The following IMMP2L variants were observed in gnomAD, a reference collection of about 807,000 sequenced individuals.
IMMP2L encodes mitochondrial inner membrane protease subunit 2.
Under a neutral mutation model 19.3 loss-of-function variants are expected in IMMP2L, and 18 were observed. The observed-to-expected ratio is 0.93, with a 90% CI of 0.64 to 1.38. The LOEUF (loss-of-function observed/expected upper bound fraction) is 1.38. Among genes scored for constraint, IMMP2L ranks in the 40% most tolerant of loss-of-function variants. IMMP2L has a pLI of 0.00. For synonymous variants in IMMP2L, 76 were observed against 73.0 expected (o/e 1.04, Z -0.21); for missense variants, 233 against 218.2 (o/e 1.07, Z -0.43).
At chr7:111,239,620 T>C (rs1814759763) in intron 3 of IMMP2L, among the ~76,000 whole-genome samples, 1 of 151,950 alleles carries the variant, frequency 6.6e-6, no homozygotes. Flanking sequence ...AGACCAATTC[T>C]TTGTAATCTC....
chr7:111,111,951 T>G lies in IMMP2L; in HGVS notation c.240-148386A>C, dbSNP rs1241708454. On this transcript the variant is annotated intron_variant, in intron 3 of 5. Coordinates refer to ENST00000405709, the MANE Select transcript of IMMP2L (RefSeq NM_032549.4). The stretch of plus-strand genomic sequence containing the variant: ...TATATATATATAGTTTGTTTTTTTT[T>G]TTTTTTTTTTTTTTGAGATGGAGTC... 6.8e-5 allele frequency among the ~76,000 whole-genome samples: 9 copies of G among 133,224 alleles called. No homozygotes were observed. In the South Asian group the frequency reaches 1.3e-3, roughly 20 times the overall value. 87.4% of individuals were successfully genotyped at this position (133,224 alleles called of 152,430 possible). A position where few individuals can be genotyped will look rare whatever the true frequency, so the allele number is the denominator to read the frequency against.
At chr7:111,422,964 T>C (rs1835723991) in intron 3 of IMMP2L, among the ~76,000 whole-genome samples, 1 of 151,882 alleles carries the variant, frequency 6.6e-6, no homozygotes, top group African/African-American at 2.4e-5. Flanking sequence ...TTTCTGCATC[T>C]ATTGAGATAA....
chr7:110,963,971 T>C (rs993792326), intron 3 of IMMP2L, among the ~76,000 whole-genome samples: 4 of 130,388 alleles, frequency 3.1e-5, no homozygotes, highest in African/African-American at 5.8e-5. Context: ...GGGAGGTGAC[T>C]GGATTATGGG....
chr7:110,990,700 A>G (rs1485587830), intron 3 of IMMP2L, among the ~76,000 whole-genome samples: 1 of 152,124 alleles, frequency 6.6e-6, no homozygotes, highest in East Asian at 1.9e-4. Context: ...CAGGCTCCCT[A>G]ATGCCAGTGC....
At chr7:111,148,296 T>C (rs1242430749) in intron 3 of IMMP2L, among the ~76,000 whole-genome samples, 1 of 152,094 alleles carries the variant, frequency 6.6e-6, no homozygotes, top group Non-Finnish European at 1.5e-5. Context: ...CATGAAATAG[T>C]GAAAACAGGC....
chr7:111,056,235 C>G (rs1031368403), intron 3 of IMMP2L, among the ~76,000 whole-genome samples: 2 of 152,118 alleles, frequency 1.3e-5, no homozygotes, highest in Non-Finnish European at 2.9e-5. Flanking sequence ...TCATTTATAA[C>G]ATAATCAGTT....
chr7:111,430,762 T>C lies in IMMP2L; in HGVS notation c.239+56476A>G, dbSNP rs559362633. On this transcript the variant is annotated intron_variant, in intron 3 of 5. Coordinates refer to ENST00000405709, the MANE Select transcript of IMMP2L (RefSeq NM_032549.4). The stretch of plus-strand genomic sequence containing the variant: ...AACCTATACCAGTTCATGAATATTT[T>C]TATTGTTTTCTCTTTTACCCAGGGA... 8.0e-4 allele frequency among the ~76,000 whole-genome samples: 122 copies of C among 151,778 alleles called. 4 individuals carry two copies. The highest frequency in any genetic ancestry group is 2.7e-3 in the African/African-American group (110 of 41,106).
At chr7:110,980,997 A>G (rs766658076) in intron 3 of IMMP2L, among the ~76,000 whole-genome samples, 2 of 152,198 alleles carry the variant, frequency 1.3e-5, no homozygotes, top group African/African-American at 2.4e-5. Flanking sequence ...ATTGTTTTTA[A>G]GCAATAAAAT....
chr7:110,788,836 G>A (rs1305374002), intron 5 of IMMP2L, among the ~76,000 whole-genome samples: 1 of 151,736 alleles, frequency 6.6e-6, no homozygotes, highest in Admixed American at 6.6e-5. Flanking sequence ...CCATCAAATG[G>A]TAGTACATCT....
intron 5 of IMMP2L, among the ~76,000 whole-genome samples, chr7:110,730,940 T>C (rs1451629190): frequency 2.0e-5 from 3 of 152,194 alleles, no homozygotes; most frequent in Admixed American, 6.5e-5. Flanking sequence ...TGTATCCTAT[T>C]AGTTCTGTCC....
At chr7:111,443,733 G>C (rs1298751939) in intron 3 of IMMP2L, among the ~76,000 whole-genome samples, 9 of 152,096 alleles carry the variant, frequency 5.9e-5, no homozygotes, top group Non-Finnish European at 1.3e-4. Context: ...AATATGTTCA[G>C]CTACCACTCA....
intron 3 of IMMP2L, among the ~76,000 whole-genome samples, chr7:111,185,390 T>C (rs1808156020): frequency 6.6e-6 from 1 of 152,140 alleles, no homozygotes; most frequent in Non-Finnish European, 1.5e-5. Flanking sequence ...CTTCTTACTA[T>C]GTCTGAATAT....
At position 110,886,656 on chromosome 7, in the gene IMMP2L, A is replaced by G. The variant is rs1481656878; in HGVS notation, c.345T>C (p.Arg115=). ...GATCACCTTCAACCCAGATGTGACC[A>G]CGGGGGACTTTGACATACCGGTTTT... is the stretch of plus-strand genomic sequence containing the variant. The part of the protein sequence containing the change: ...GHKNRYVKVP[R]GHIWVEGDHH... The change falls in exon 5 of 6, where the codon CGT becomes CGC. Residue 115 remains arginine (R), a synonymous_variant. Transcript: ENST00000405709. 1.2e-6 allele frequency: 2 copies of G among 1,609,308 alleles called. No individual in the cohort carries two copies. The highest frequency in any genetic ancestry group is 8.5e-7 in the Non-Finnish European group (1 of 1,175,802).
intron 5 of IMMP2L, among the ~76,000 whole-genome samples, chr7:110,851,288 G>C (rs957995342): frequency 6.6e-6 from 1 of 152,056 alleles, no homozygotes; most frequent in Admixed American, 6.6e-5. Flanking sequence ...CAAAAACTCA[G>C]GATATACAAA....
chr7:110,732,665 TC>T (rs1490258049), intron 5 of IMMP2L, among the ~76,000 whole-genome samples: 1 of 152,204 alleles, frequency 6.6e-6, no homozygotes, highest in African/African-American at 2.4e-5. Flanking sequence ...GAAAATGTCT[TC>T]AATTTTTCTG....
At chr7:110,867,397 A>G (rs1426895430) in intron 5 of IMMP2L, among the ~76,000 whole-genome samples, 1 of 152,004 alleles carries the variant, frequency 6.6e-6, no homozygotes, top group Non-Finnish European at 1.5e-5. Context: ...GCTTCAACAT[A>G]TGGATTTCAG....
At chr7:111,489,462 C>T (rs910695272) in intron 2 of IMMP2L, among the ~76,000 whole-genome samples, 5 of 152,120 alleles carry the variant, frequency 3.3e-5, no homozygotes, top group Admixed American at 1.3e-4. Flanking sequence ...GCTTCCTCTC[C>T]GCCTTCACTG....
At chr7:111,405,328 G>T (rs574723663) in intron 3 of IMMP2L, among the ~76,000 whole-genome samples, 1 of 151,934 alleles carries the variant, frequency 6.6e-6, no homozygotes, top group Admixed American at 6.6e-5. Flanking sequence ...CCAGCTAAAA[G>T]TTCAGGAACA....
At chr7:110,718,148 C>A (rs1470599835) in intron 5 of IMMP2L, among the ~76,000 whole-genome samples, 2 of 152,092 alleles carry the variant, frequency 1.3e-5, no homozygotes, top group African/African-American at 4.8e-5. Context: ...ATGATGATAA[C>A]CCCCAGATTT....
Sources: allele counts gnomAD v4.1 joint callset (sites outside exome capture counted in the v4.1 genomes callset), GRCh38; gene constraint gnomAD v4.1.1; transcripts MANE v1.5; gene names NCBI Gene and HGNC (gene_info 2026-07-23, HGNC 2026-07-21).